The following FBXL17 variants were observed in gnomAD, a reference collection of about 807,000 sequenced individuals.
FBXL17 encodes F-box/LRR-repeat protein 17.
Under a neutral mutation model 66.2 loss-of-function variants are expected in FBXL17, and 22 were observed. The ratio of observed to expected loss-of-function variants is 0.33; its 90% CI spans 0.24 to 0.47. FBXL17 has a LOEUF of 0.47. FBXL17 is among the 20% of genes least tolerant of loss of function. The pLI, the probability that FBXL17 is intolerant of heterozygous loss-of-function variation, is 1.00. For synonymous variants in FBXL17, 474 were observed against 400.5 expected (o/e 1.18, Z -2.19); for missense variants, 878 against 948.2 (o/e 0.93, Z 0.97).
intron 6 of FBXL17, among the ~76,000 whole-genome samples, chr5:108,088,870 T>C (rs1319922832): frequency 6.6e-6 from 1 of 152,070 alleles, no homozygotes; most frequent in Non-Finnish European, 1.5e-5. Flanking sequence ...ATAAGCATAG[T>C]TCACTTATAC....
At chr5:107,917,205 G>A (rs1750161400) in intron 7 of FBXL17, among the ~76,000 whole-genome samples, 1 of 152,156 alleles carries the variant, frequency 6.6e-6, no homozygotes. Flanking sequence ...GAGAGCAAAT[G>A]GGGTGGGAGA....
rs747099433 is a variant in FBXL17 at position 107,861,763 on chromosome 5, T to C, written c.2063A>G (p.Tyr688Cys). ...QDCKRTLERA[Y>C]QMGWTPNMSA... ...CATGTTGGGGGTCCAGCCCATCTGA[T>C]AGGCTCTCTCCAAGGTCCTCTTGCA... Residue 688 changes from tyrosine (Y) to cysteine (C), a missense_variant, in exon 9 of 9, where the codon TAT becomes TGT. Transcript: ENST00000542267. 12 of 1,587,980 alleles carry C rather than the reference T, an allele frequency of 7.6e-6. No individual in the cohort carries two copies. The highest frequency in any genetic ancestry group is 4.1e-5 in the African/African-American group (3 of 74,006).
At chr5:108,309,340 T>A (rs1759004327) in intron 4 of FBXL17, among the ~76,000 whole-genome samples, 1 of 152,000 alleles carries the variant, frequency 6.6e-6, no homozygotes, top group Admixed American at 6.6e-5. Context: ...TATTAACAGA[T>A]TATGTGTTTG....
intron 5 of FBXL17, among the ~76,000 whole-genome samples, chr5:108,195,968 G>T (rs963096132): frequency 3.3e-5 from 5 of 152,078 alleles, no homozygotes; most frequent in Non-Finnish European, 7.4e-5. Context: ...GAGATGCCTA[G>T]ATAACCAAGT....
chr5:107,890,618 C>G (rs926118073), intron 7 of FBXL17, among the ~76,000 whole-genome samples: 3 of 150,716 alleles, frequency 2.0e-5, no homozygotes, highest in Non-Finnish European at 2.9e-5. Context: ...GAGCCAAGAT[C>G]ACACCACTAC....
chr5:108,146,881 A>G (rs2149992188), intron 6 of FBXL17, among the ~76,000 whole-genome samples: 1 of 152,278 alleles, frequency 6.6e-6, no homozygotes, highest in East Asian at 1.9e-4. Context: ...GTTATAGCAA[A>G]ATACCTTAGA....
At chr5:108,185,670 C>G (rs1332977856) in intron 6 of FBXL17, among the ~76,000 whole-genome samples, 1 of 152,016 alleles carries the variant, frequency 6.6e-6, no homozygotes, top group Non-Finnish European at 1.5e-5. Context: ...CTAGGAAACA[C>G]TGTGAGACTC....
intron 6 of FBXL17, among the ~76,000 whole-genome samples, chr5:108,158,981 C>T (rs147141153): frequency 6.6e-6 from 1 of 152,134 alleles, no homozygotes; most frequent in Non-Finnish European, 1.5e-5. Flanking sequence ...GTGGAAGATA[C>T]ACCTGGAATC....
intron 7 of FBXL17, among the ~76,000 whole-genome samples, chr5:107,958,160 A>C (rs1751739593): frequency 6.6e-6 from 1 of 151,382 alleles, no homozygotes; most frequent in African/African-American, 2.4e-5. Context: ...AAGAAACATG[A>C]GTAAAAAGAA....
chr5:108,372,048 T>G (rs1451884476), intron 1 of FBXL17, among the ~76,000 whole-genome samples: 1 of 152,190 alleles, frequency 6.6e-6, no homozygotes, highest in Non-Finnish European at 1.5e-5. Context: ...TGTATGGCAG[T>G]CTACCTCGCT....
At chr5:107,942,910 G>A (rs535496116) in intron 7 of FBXL17, among the ~76,000 whole-genome samples, 2 of 152,122 alleles carry the variant, frequency 1.3e-5, no homozygotes, top group South Asian at 4.2e-4. Flanking sequence ...TGACTGCTCT[G>A]ACAAAAGTCA....
chr5:107,928,170 G>C (rs1288413933), intron 7 of FBXL17, among the ~76,000 whole-genome samples: 2 of 152,036 alleles, frequency 1.3e-5, no homozygotes, highest in Non-Finnish European at 2.9e-5. Flanking sequence ...GTAAAGAGAA[G>C]CAGCATGTAG....
At chr5:108,293,098 C>CAA (rs1390083749) in intron 4 of FBXL17, among the ~76,000 whole-genome samples, 4 of 92,580 alleles carry the variant, frequency 4.3e-5, no homozygotes, top group East Asian at 3.2e-4. Context: ...AAAAAAAAAA[C>CAA]AAAAAAAAAA....
At chr5:107,899,638 G>A (rs1413498315) in intron 7 of FBXL17, among the ~76,000 whole-genome samples, 4 of 152,042 alleles carry the variant, frequency 2.6e-5, no homozygotes, top group Non-Finnish European at 5.9e-5. Flanking sequence ...TTGATTACAT[G>A]GGAAGTTGGT....
chr5:108,150,852 T>C (rs1490768471), intron 6 of FBXL17, among the ~76,000 whole-genome samples: 4 of 152,220 alleles, frequency 2.6e-5, no homozygotes, highest in African/African-American at 9.6e-5. Flanking sequence ...GATTTCTCTA[T>C]TGTAAAGGTA....
chr5:107,924,250 C>G (rs564413336), intron 7 of FBXL17, among the ~76,000 whole-genome samples: 1 of 151,720 alleles, frequency 6.6e-6, no homozygotes, highest in Non-Finnish European at 1.5e-5. Context: ...CCAAGAAATA[C>G]CAAAAATATG....
intron 6 of FBXL17, among the ~76,000 whole-genome samples, chr5:108,068,679 G>C (rs529827172): frequency 6.6e-6 from 1 of 151,978 alleles, no homozygotes; most frequent in Non-Finnish European, 1.5e-5. Flanking sequence ...GGATGGTCTC[G>C]ATCTCCTGAC....
chr5:108,059,610 T>C (rs1747843557), intron 6 of FBXL17, among the ~76,000 whole-genome samples: 1 of 152,208 alleles, frequency 6.6e-6, no homozygotes, highest in South Asian at 2.1e-4. Flanking sequence ...CAGGATACTC[T>C]TGTTCTCTCC....
In FBXL17 at chr5:108,357,990, G is replaced by C. The variant is rs368964165; in HGVS notation, c.1374+6748C>G. ...TCGTTTGGATTCTATTTCTTTTGGG[G>C]TGTGTAGAAATACAACTGATTTTTC... On this transcript the variant is annotated intron_variant, in intron 3 of 8. Coordinates refer to ENST00000542267, the MANE Select transcript of FBXL17 (RefSeq NM_001163315.3). 2.2e-4 allele frequency among the ~76,000 whole-genome samples: 34 copies of C among 152,164 alleles called. No individual in the cohort carries two copies. The South Asian group carries it at 6.8e-3, about 31-fold the overall frequency.
Sources: gnomAD v4.1 joint callset for allele counts (sites outside exome capture counted in the v4.1 genomes callset) on GRCh38, gnomAD v4.1.1 for gene constraint, MANE v1.5 for transcripts, NCBI Gene and HGNC (gene_info 2026-07-23, HGNC 2026-07-21) for gene names.